GSK3B: variants seen among roughly 807,000 people sequenced by gnomAD.
The protein encoded by GSK3B is glycogen synthase kinase-3 beta.
GSK3B carries 15 observed loss-of-function variants against 56.4 expected under a neutral mutation model. The ratio of observed to expected loss-of-function variants is 0.27; its 90% CI spans 0.18 to 0.41. The LOEUF is 0.41. Among genes scored for constraint, GSK3B ranks in the 10% least tolerant of loss-of-function variants. GSK3B has a pLI of 1.00. For missense variants in GSK3B, 300 were observed against 513.4 expected, an observed-to-expected ratio of 0.58 and a Z score of 4.02; for synonymous variants, 181 against 188.9, an observed-to-expected ratio of 0.96 and a Z score of 0.34.
At chr3:119,937,178 T>C (rs370067271) in intron 3 of GSK3B, among the ~76,000 whole-genome samples, 3 of 152,224 alleles carry the variant, frequency 2.0e-5, no homozygotes, top group South Asian at 2.1e-4. Flanking sequence ...TTGCTATAGT[T>C]TGGACTGTTT....
In GSK3B at chr3:119,843,269, G is replaced by A. The variant is rs549169441; in HGVS notation, c.1181C>T (p.Ala394Val). 3.7e-6 allele frequency: 6 copies of A among 1,605,952 alleles called. No individual in the cohort carries two copies. The Admixed American group carries it at 1.0e-4, about 27-fold the overall frequency. The change falls in exon 10 of 11, where the codon GCC (alanine) becomes GTC (valine). Residue 394 changes from alanine to valine, a missense_variant. Physicochemically the swap from Ala to Val is moderately conservative, Grantham distance 64 (BLOSUM62 0). Transcript: ENST00000264235. ...AACGTTCTTACCTGACGCTGCTGTG[G>A]CATTTGTGGGGGTTGAAGCAGCTGC... ...IQAAASTPTN[A>V]TAASDANTGD...
At chr3:119,896,496 C>T (rs1267910517) in intron 7 of GSK3B, among the ~76,000 whole-genome samples, 1 of 152,098 alleles carries the variant, frequency 6.6e-6, no homozygotes, top group Non-Finnish European at 1.5e-5. Context: ...CACTATAGTT[C>T]TTTGTAGCAT....
At chr3:120,070,295 T>C (rs2058316505) in intron 1 of GSK3B, among the ~76,000 whole-genome samples, 1 of 147,640 alleles carries the variant, frequency 6.8e-6, no homozygotes, top group African/African-American at 2.5e-5. Context: ...AAAAAGAGGA[T>C]ATAGAAAGGT....
At chr3:119,954,053 A>G (rs182491073) in intron 2 of GSK3B, among the ~76,000 whole-genome samples, 29 of 152,236 alleles carry the variant, frequency 1.9e-4, no homozygotes, top group African/African-American at 6.7e-4. Flanking sequence ...ACATACTATA[A>G]GTGTTTTAAG....
At chr3:119,979,895 T>C (rs547321611) in intron 2 of GSK3B, among the ~76,000 whole-genome samples, 4 of 152,332 alleles carry the variant, frequency 2.6e-5, no homozygotes, top group Admixed American at 2.0e-4. Flanking sequence ...CTTCCAGCTA[T>C]ACCTGTTTAT....
intron 10 of GSK3B, among the ~76,000 whole-genome samples, chr3:119,837,549 A>C (rs1338965134): frequency 6.6e-6 from 1 of 152,102 alleles, no homozygotes; most frequent in Non-Finnish European, 1.5e-5. Context: ...TAACCATGGG[A>C]TAGATGACCA....
intron 1 of GSK3B, among the ~76,000 whole-genome samples, chr3:120,071,858 C>A (rs1227158834): frequency 1.3e-5 from 2 of 152,142 alleles, no homozygotes; most frequent in African/African-American, 4.8e-5. Context: ...CCACTGCCAC[C>A]ACATTAAGAA....
chr3:119,877,483 A>G (rs1212086143), intron 7 of GSK3B, among the ~76,000 whole-genome samples: 1 of 152,140 alleles, frequency 6.6e-6, no homozygotes, highest in Admixed American at 6.5e-5. Context: ...TGTATTTTTA[A>G]ATTGTTATTT....
At chr3:119,838,946 C>T (rs2055732496) in intron 10 of GSK3B, among the ~76,000 whole-genome samples, 1 of 151,790 alleles carries the variant, frequency 6.6e-6, no homozygotes, top group African/African-American at 2.4e-5. Context: ...TTGCAGAACA[C>T]AACAAAAGGA....
chr3:119,984,282 T>A (rs1375148283), intron 2 of GSK3B, among the ~76,000 whole-genome samples: 1 of 150,344 alleles, frequency 6.7e-6, no homozygotes, highest in Non-Finnish European at 1.5e-5. Flanking sequence ...CACCCTAACA[T>A]CACAATTAAA....
intron 2 of GSK3B, among the ~76,000 whole-genome samples, chr3:119,988,643 T>C (rs1164664360): frequency 6.6e-6 from 1 of 152,214 alleles, no homozygotes; most frequent in Non-Finnish European, 1.5e-5. Context: ...TGTCACTTTC[T>C]AGCAGACCAG....
chr3:119,932,444 A>G (rs1053323989), intron 3 of GSK3B, among the ~76,000 whole-genome samples: 4 of 152,168 alleles, frequency 2.6e-5, no homozygotes. Context: ...ACAACGATTA[A>G]GGCAAATTTC....
At chr3:119,869,162 T>C (rs1484668723) in intron 8 of GSK3B, among the ~76,000 whole-genome samples, 1 of 127,784 alleles carries the variant, frequency 7.8e-6, no homozygotes, top group Non-Finnish European at 1.5e-5. Context: ...AGGTGGAGGC[T>C]GCAGTGAGCC....
chr3:120,084,709 A>C (rs2058449170), intron 1 of GSK3B: 1 of 152,224 alleles, frequency 6.6e-6, no homozygotes, highest in African/African-American at 2.4e-5. Context: ...TTTTATTATG[A>C]AATAAACATC....
intron 1 of GSK3B, among the ~76,000 whole-genome samples, chr3:120,067,433 A>T (rs1023433962): frequency 6.6e-6 from 1 of 152,148 alleles, no homozygotes; most frequent in Non-Finnish European, 1.5e-5. Context: ...TACCTTAAAC[A>T]TGATCCAACA....
At chr3:120,008,392 C>A (rs748508158) in intron 1 of GSK3B, among the ~76,000 whole-genome samples, 2 of 152,200 alleles carry the variant, frequency 1.3e-5, no homozygotes, top group Admixed American at 1.3e-4. Flanking sequence ...AAAGAGCCTG[C>A]ATACCCAAGA....
chr3:119,957,370 A>G (rs971082375), intron 2 of GSK3B, among the ~76,000 whole-genome samples: 2 of 152,236 alleles, frequency 1.3e-5, no homozygotes, highest in African/African-American at 4.8e-5. Context: ...CAGAAAGGGA[A>G]ATGGAAGAGA....
At chr3:119,829,948 T>G (rs759658738) in intron 10 of GSK3B, among the ~76,000 whole-genome samples, 10 of 152,208 alleles carry the variant, frequency 6.6e-5, no homozygotes, top group Non-Finnish European at 1.5e-4. Flanking sequence ...CAGACATTCA[T>G]CAAAAAAACT....
At chr3:119,901,114 G>A (rs1457723782) in intron 7 of GSK3B, among the ~76,000 whole-genome samples, 1 of 152,132 alleles carries the variant, frequency 6.6e-6, no homozygotes, top group Non-Finnish European at 1.5e-5. Context: ...TTGTATGTCA[G>A]TGAACATTAC....
Sources: gnomAD v4.1 joint callset for allele counts (sites outside exome capture counted in the v4.1 genomes callset) on GRCh38, gnomAD v4.1.1 for gene constraint, MANE v1.5 for transcripts, NCBI Gene and HGNC (gene_info 2026-07-23, HGNC 2026-07-21) for gene names.